The following DAPK1 variants were observed in gnomAD, a reference collection of about 807,000 sequenced individuals.
DAPK1 encodes the protein death associated protein kinase 1, also known as death-associated protein kinase 1.
In DAPK1, 56 loss-of-function variants were observed where a neutral mutation model predicts 144.9. The ratio of observed to expected loss-of-function variants is 0.39; its 90% CI spans 0.31 to 0.48. The LOEUF (loss-of-function observed/expected upper bound fraction) is 0.48. DAPK1 is among the 20% of genes least tolerant of loss of function. The probability of loss-of-function intolerance (pLI) is 0.95; values close to 1 mark genes in which losing one functional copy is unlikely to be tolerated. For synonymous variants in DAPK1, 690 were observed against 749.0 expected (o/e 0.92, Z 1.29); for missense variants, 1,454 against 1,875.4 (o/e 0.78, Z 4.15).
At position 87,706,851 on chromosome 9, in the gene DAPK1, A is replaced by G. The variant is rs929632938; in HGVS notation, c.3780A>G (p.Ala1260=). The G allele has an allele frequency of 6.2e-7, 1 of 1,613,970 alleles. No individual in the cohort carries two copies. The highest frequency in any genetic ancestry group is 2.2e-5 in the East Asian group (1 of 44,878). ...ACCAGCCACGGGACTTCTTCCGGGC[A>G]CAGACTCTGAAGGAAACCTCACTGA... ...MIYQPRDFFR[A]QTLKETSLTN... The change falls in exon 26 of 26, where the codon GCA becomes GCG. Residue 1260 remains alanine, a synonymous_variant. Coordinates refer to ENST00000408954, the MANE Select transcript of DAPK1 (RefSeq NM_004938.4). The surrounding 1 kb of genome is among the most constrained non-coding windows in gnomAD (Gnocchi z 9.0).
intron 4 of DAPK1, among the ~76,000 whole-genome samples, chr9:87,639,055 AC>A (rs1448650416): frequency 1.3e-5 from 2 of 151,944 alleles, no homozygotes; most frequent in Non-Finnish European, 2.9e-5. Context: ...TCCCCCAGTT[AC>A]CCCCACTTGA....
intron 2 of DAPK1, among the ~76,000 whole-genome samples, chr9:87,558,613 G>C (rs573827051): frequency 3.3e-5 from 5 of 152,244 alleles, no homozygotes; most frequent in African/African-American, 9.6e-5. Flanking sequence ...GATACTAGCT[G>C]GTCTCTTGGT....
intron 2 of DAPK1, among the ~76,000 whole-genome samples, chr9:87,565,268 A>G (rs1827079729): frequency 6.6e-6 from 1 of 152,202 alleles, no homozygotes; most frequent in Admixed American, 6.5e-5. Context: ...AACGTGAGAC[A>G]GAACTCAGGG....
At chr9:87,684,403 T>C (rs963232568) in intron 20 of DAPK1, among the ~76,000 whole-genome samples, 3 of 152,154 alleles carry the variant, frequency 2.0e-5, no homozygotes, top group Non-Finnish European at 2.9e-5. Flanking sequence ...TGTCAGGCCC[T>C]TTTCCCTTCA....
At chr9:87,642,103 T>C in intron 10 of DAPK1, 45 bp downstream of exon 10, 1 of 1,515,218 alleles carries the variant, frequency 6.6e-7, no homozygotes, top group Non-Finnish European at 9.1e-7. Context: ...CTGTTTCCTG[T>C]GTAGAGTAGT....
intron 3 of DAPK1, among the ~76,000 whole-genome samples, chr9:87,629,381 G>A (rs1468177733): frequency 1.3e-5 from 2 of 152,148 alleles, no homozygotes; most frequent in Non-Finnish European, 2.9e-5. Context: ...AGCTTTAGAG[G>A]GAGCATGGCT....
intron 2 of DAPK1, among the ~76,000 whole-genome samples, chr9:87,564,973 T>C (rs1007365071): frequency 6.6e-6 from 1 of 152,166 alleles, no homozygotes; most frequent in East Asian, 1.9e-4. Context: ...CATTTCTTCA[T>C]TGGTTTTGGC....
Position 87,640,232 on chromosome 9 carries a change from T to C in DAPK1, c.630-66T>C, listed in dbSNP as rs571089470. The C allele has an allele frequency of 2.2e-5, 33 of 1,471,288 alleles. No individual in the cohort carries two copies. The African/African-American group carries it at 3.0e-4, about 13-fold the overall frequency. The allele number at this position is 1,471,288 out of a possible 1,614,324, so 91.1% of individuals were successfully genotyped here. A position where few individuals can be genotyped will look rare whatever the true frequency, so the allele number is the denominator to read the frequency against. On this transcript the variant is annotated intron_variant, in intron 7 of 25. Transcript: ENST00000408954. ...ATCTTATTCCACACTCCAGATGTTATAGGAGCAAAATGACAACACCAAGGG... is the reference window on the plus strand; with the variant it reads ...ATCTTATTCCACACTCCAGATGTTACAGGAGCAAAATGACAACACCAAGGG...
Position 87,637,983 on chromosome 9 carries a change from G to A in DAPK1, c.325G>A (p.Glu109Lys), listed in dbSNP as rs769267771. 4.3e-6 allele frequency: 7 copies of A among 1,614,112 alleles called. No homozygotes were observed. Among genetic ancestry groups the A allele is most frequent in the Non-Finnish European group, 5.9e-6 (7 of 1,179,976 alleles). ...GCTGTTTGACTTCTTAGCTGAAAAG[G>A]AATCTTTAACTGAAGAGGAAGCAAC... is the stretch of plus-strand genomic sequence containing the variant. Reference protein sequence around the residue: ...GELFDFLAEKESLTEEEATEF... With the variant: ...GELFDFLAEKKSLTEEEATEF... The change falls in exon 4 of 26, where the codon GAA becomes AAA. Residue 109 changes from glutamate (E) to lysine (K), a missense_variant. Glu to Lys is a moderately conservative substitution (Grantham distance 56, BLOSUM62 1). Coordinates refer to ENST00000408954, the MANE Select transcript of DAPK1 (RefSeq NM_004938.4).
In DAPK1 at chr9:87,556,623, C is replaced by G. The variant is rs78721250; in HGVS notation, c.63-48331C>G. Among the ~76,000 whole-genome samples, 29 of 152,308 alleles carry G rather than the reference C, an allele frequency of 1.9e-4. No individual in the cohort carries two copies. The East Asian group carries it at 5.0e-3, about 26-fold the overall frequency. ...CTGAAACTCTGTGGAGTAGCCTCAG[C>G]TACCCTTTCACAGAGCAGGGTTTGG... On this transcript the variant is annotated intron_variant, in intron 2 of 25. Transcript: ENST00000408954.
At chr9:87,621,864 C>T (rs1194738028) in intron 3 of DAPK1, among the ~76,000 whole-genome samples, 1 of 152,092 alleles carries the variant, frequency 6.6e-6, no homozygotes, top group Non-Finnish European at 1.5e-5. Flanking sequence ...GACCCTCAGC[C>T]TCTCATCACC....
chr9:87,568,837 C>T (rs1827228762), intron 2 of DAPK1, among the ~76,000 whole-genome samples: 1 of 152,128 alleles, frequency 6.6e-6, no homozygotes, highest in Non-Finnish European at 1.5e-5. Flanking sequence ...TCATTTACTC[C>T]CTGGGTGGGA....
chr9:87,566,945 A>G (rs768560078), intron 2 of DAPK1, among the ~76,000 whole-genome samples: 8 of 152,186 alleles, frequency 5.3e-5, no homozygotes, highest in Non-Finnish European at 8.8e-5. Flanking sequence ...ACTGATAACT[A>G]TACATTCGGG....
chr9:87,582,621 C>A (rs1564006876), intron 2 of DAPK1, among the ~76,000 whole-genome samples: 1 of 147,530 alleles, frequency 6.8e-6, no homozygotes, highest in Non-Finnish European at 1.5e-5. Context: ...CTGGTGCTAT[C>A]TCGGCTCACT....
chr9:87,509,480 C>T (rs887452476), intron 2 of DAPK1, among the ~76,000 whole-genome samples: 3 of 152,088 alleles, frequency 2.0e-5, no homozygotes, highest in African/African-American at 4.8e-5. Flanking sequence ...CCTGCCTCAG[C>T]CCCCCGAGTA....
intron 2 of DAPK1, among the ~76,000 whole-genome samples, chr9:87,515,996 T>G (rs942991603): frequency 5.3e-5 from 8 of 152,194 alleles, no homozygotes; most frequent in African/African-American, 1.9e-4. Context: ...CACACTCAGC[T>G]GAATCCCCAG....
At chr9:87,606,952 A>G (rs969619614) in intron 3 of DAPK1, among the ~76,000 whole-genome samples, 1 of 151,402 alleles carries the variant, frequency 6.6e-6, no homozygotes, top group South Asian at 2.1e-4. Context: ...GCTTCTACCT[A>G]CTAGATTCCA....
rs1825622038 is a variant in DAPK1, at chr9:87,706,063, G to A, written c.3061-69G>A. On this transcript the variant is annotated intron_variant, in intron 25 of 25. Coordinates refer to ENST00000408954, the MANE Select transcript of DAPK1 (RefSeq NM_004938.4). The surrounding 1 kb of genome is among the most constrained non-coding windows in gnomAD (Gnocchi z 9.0). ...TGTTGCCGGCATCAGGCCCTTTAGT[G>A]CTCTAAGTGGCTGGTGCACCTGGCC... is the stretch of plus-strand genomic sequence containing the variant. 3 of 1,190,194 alleles carry A rather than the reference G, an allele frequency of 2.5e-6. No homozygotes were observed. The highest frequency in any genetic ancestry group is 2.0e-5 in the Admixed American group (1 of 50,356). 73.7% of individuals were successfully genotyped at this position (1,190,194 alleles called of 1,614,324 possible).
intron 2 of DAPK1, among the ~76,000 whole-genome samples, chr9:87,559,319 G>C (rs1826826067): frequency 6.6e-6 from 1 of 151,908 alleles, no homozygotes; most frequent in Non-Finnish European, 1.5e-5. Flanking sequence ...GCTAGGGTAG[G>C]GTAGGGCAGG....
Sources: allele counts gnomAD v4.1 joint callset (sites outside exome capture counted in the v4.1 genomes callset), GRCh38; gene constraint gnomAD v4.1.1; non-coding constraint Gnocchi (gnomAD v3.1); transcripts MANE v1.5; gene names NCBI Gene and HGNC (gene_info 2026-07-23, HGNC 2026-07-21).